The following ANKRD6 variants were observed in gnomAD, a reference collection of about 807,000 sequenced individuals.
ANKRD6 encodes the protein ankyrin repeat domain-containing protein 6.
ANKRD6 carries 56 observed loss-of-function variants against 82.3 expected under a neutral mutation model. The ratio of observed to expected loss-of-function variants is 0.68; its 90% confidence interval spans 0.55 to 0.85. The LOEUF is 0.85. Ranked by LOEUF, ANKRD6 falls within the 40% of genes least tolerant of loss-of-function variation. The probability of loss-of-function intolerance (pLI) is 0.00; values close to 1 mark genes in which losing one functional copy is unlikely to be tolerated. For missense variants in ANKRD6, 852 were observed against 907.6 expected (o/e 0.94, Z 0.79); for synonymous variants, 347 against 352.1 (o/e 0.99, Z 0.16).
chr6:89,531,348 G>C (rs1783120187), intron 1 of ANKRD6, among the ~76,000 whole-genome samples: 1 of 152,228 alleles, frequency 6.6e-6, no homozygotes, highest in South Asian at 2.1e-4. Flanking sequence ...CCTGTTACTA[G>C]CAAGTACTTT....
intron 1 of ANKRD6, among the ~76,000 whole-genome samples, chr6:89,540,401 A>G (rs1185291016): frequency 6.6e-6 from 1 of 152,078 alleles, no homozygotes. Context: ...ATCTTTTCAT[A>G]TATCTGTCAT....
chr6:89,462,801 T>A (rs1262376607), intron 1 of ANKRD6, among the ~76,000 whole-genome samples: 1 of 152,170 alleles, frequency 6.6e-6, no homozygotes, highest in African/African-American at 2.4e-5. Context: ...TTTTTAGAGA[T>A]GTTTTTACAT....
intron 1 of ANKRD6, among the ~76,000 whole-genome samples, chr6:89,466,499 A>G (rs1278326468): frequency 2.6e-5 from 4 of 152,154 alleles, no homozygotes; most frequent in Admixed American, 2.6e-4. Context: ...TAAACTTTCA[A>G]CTTGATAGAT....
At chr6:89,537,576 T>G (rs945265591) in intron 1 of ANKRD6, among the ~76,000 whole-genome samples, 5 of 151,936 alleles carry the variant, frequency 3.3e-5, no homozygotes, top group African/African-American at 1.2e-4. Flanking sequence ...AAATCTGAAT[T>G]ATTATATAAT....
chr6:89,521,875 A>G (rs1781930843), intron 1 of ANKRD6, among the ~76,000 whole-genome samples: 1 of 152,342 alleles, frequency 6.6e-6, no homozygotes, highest in African/African-American at 2.4e-5. Flanking sequence ...ACATAATCCT[A>G]TTAGTCTCTC....
At chr6:89,442,784 G>A (rs1490621383) in intron 1 of ANKRD6, among the ~76,000 whole-genome samples, 1 of 152,182 alleles carries the variant, frequency 6.6e-6, no homozygotes. Context: ...GTTACGATAA[G>A]GGGTTGTGGA....
At chr6:89,548,965 A>G (rs1292524842) in intron 1 of ANKRD6, among the ~76,000 whole-genome samples, 1 of 152,158 alleles carries the variant, frequency 6.6e-6, no homozygotes, top group Non-Finnish European at 1.5e-5. Flanking sequence ...CCAGCACTTC[A>G]AGAGGCAGAG....
chr6:89,549,125 G>T (rs938589166), intron 1 of ANKRD6, among the ~76,000 whole-genome samples: 8 of 152,126 alleles, frequency 5.3e-5, no homozygotes, highest in African/African-American at 1.9e-4. Flanking sequence ...TAGGAGTATT[G>T]CTTGAGCCTG....
intron 10 of ANKRD6, 43 bp downstream of exon 10, chr6:89,622,069 C>A: frequency 6.4e-7 from 1 of 1,566,058 alleles, no homozygotes; most frequent in Non-Finnish European, 8.8e-7. Flanking sequence ...CACCCATGCT[C>A]AGAGGGTGGG....
intron 2 of ANKRD6, among the ~76,000 whole-genome samples, chr6:89,586,348 T>A (rs1160960466): frequency 6.6e-6 from 1 of 152,182 alleles, no homozygotes; most frequent in Admixed American, 6.5e-5. Context: ...CCATAGTTCA[T>A]CATGTATTGG....
At chr6:89,590,613 C>A (rs1170073497) in intron 2 of ANKRD6, among the ~76,000 whole-genome samples, 1 of 152,316 alleles carries the variant, frequency 6.6e-6, no homozygotes, top group East Asian at 1.9e-4. Context: ...CACCCAAGAA[C>A]TTGGGAGCTG....
chr6:89,527,621 A>AAAAAAAAG lies in ANKRD6; in HGVS notation c.-143-39208_-143-39207insAAGAAAAA, dbSNP rs1554227725. ...CGTCTCAAAAAAAAAAAAAAAAAAA[A>AAAAAAAAG]AAAAAGAAAAAGAAAAGAAAAACAA... On this transcript the variant is annotated intron_variant, in intron 1 of 15. Transcript: ENST00000339746. Among the ~76,000 whole-genome samples, 300 of 148,692 alleles carry AAAAAAAAG rather than the reference A, an allele frequency of 2.0e-3. 1 individual carries two copies. Among genetic ancestry groups the AAAAAAAAG allele is most frequent in the African/African-American group, 7.3e-3 (285 of 39,042 alleles).
chr6:89,451,658 C>T (rs937585092), intron 1 of ANKRD6, among the ~76,000 whole-genome samples: 1 of 152,146 alleles, frequency 6.6e-6, no homozygotes, highest in Admixed American at 6.6e-5. Context: ...ATTGTACGTC[C>T]TAAACTAACT....
intron 1 of ANKRD6, among the ~76,000 whole-genome samples, chr6:89,557,455 G>A (rs1257912511): frequency 6.6e-6 from 1 of 152,160 alleles, no homozygotes; most frequent in Non-Finnish European, 1.5e-5. Flanking sequence ...TGGCTCACAG[G>A]AACCAAGGAG....
intron 1 of ANKRD6, among the ~76,000 whole-genome samples, chr6:89,493,348 T>C (rs1157531232): frequency 6.6e-6 from 1 of 152,134 alleles, no homozygotes; most frequent in Non-Finnish European, 1.5e-5. Flanking sequence ...TCATCTTTAC[T>C]TCCTTTTGTC....
At chr6:89,548,086 AC>A (rs1376469051) in intron 1 of ANKRD6, among the ~76,000 whole-genome samples, 1 of 152,230 alleles carries the variant, frequency 6.6e-6, no homozygotes, top group African/African-American at 2.4e-5. Context: ...TTAAAAGTGT[AC>A]AATTCAGTGG....
intron 1 of ANKRD6, chr6:89,565,305 G>A (rs1369202765): frequency 1.3e-5 from 2 of 152,188 alleles, no homozygotes; most frequent in Admixed American, 6.5e-5. Flanking sequence ...GACCCAGTGA[G>A]CAGGAGCAGG....
intron 12 of ANKRD6, 60 bp from the exon 13 acceptor site, chr6:89,624,479 C>CTTT (rs1804894184): frequency 6.5e-7 from 1 of 1,534,888 alleles, no homozygotes; most frequent in African/African-American, 1.4e-5. Context: ...GGATGGTGCT[C>CTTT]AAAACATACC....
chr6:89,552,535 G>C (rs1785995727), intron 1 of ANKRD6, among the ~76,000 whole-genome samples: 1 of 152,210 alleles, frequency 6.6e-6, no homozygotes, highest in South Asian at 2.1e-4. Flanking sequence ...CTATAAAGAA[G>C]AGGTGAAGGT....
Sources: gnomAD v4.1 joint callset for allele counts (sites outside exome capture counted in the v4.1 genomes callset) on GRCh38, gnomAD v4.1.1 for gene constraint, MANE v1.5 for transcripts, NCBI Gene and HGNC (gene_info 2026-07-23, HGNC 2026-07-21) for gene names.